The following PRKAR1B variants were observed in gnomAD, a reference collection of about 807,000 sequenced individuals.
PRKAR1B encodes the protein protein kinase cAMP-dependent type I regulatory subunit beta.
In PRKAR1B, 22 loss-of-function variants were observed where a neutral mutation model predicts 46.5. That is an observed-to-expected ratio of 0.47 (90% CI 0.34 to 0.68). The LOEUF (loss-of-function observed/expected upper bound fraction) is 0.68, where lower values mean the gene tolerates loss of function less well. Among genes scored for constraint, PRKAR1B ranks in the 30% least tolerant of loss-of-function variants. PRKAR1B has a pLI of 0.01. For synonymous variants in PRKAR1B, 259 were observed against 217.7 expected (o/e 1.19, Z -1.67); for missense variants, 445 against 535.6 (o/e 0.83, Z 1.67).
chr7:659,908 T>C (rs1003296741), intron 4 of PRKAR1B, among the ~76,000 whole-genome samples: 2 of 151,918 alleles, frequency 1.3e-5, no homozygotes, highest in African/African-American at 2.4e-5. Context: ...AAAAATGTAA[T>C]GTTAAGGAAG....
At position 643,911 on chromosome 7, in the gene PRKAR1B, C is replaced by T. The variant is rs372646853; in HGVS notation, c.440+33318G>A. On this transcript the variant is annotated intron_variant, in intron 4 of 10. Coordinates refer to ENST00000537384, the MANE Select transcript of PRKAR1B (RefSeq NM_001164760.2). The stretch of plus-strand genomic sequence containing the variant: ...TTATCCAACCCCCAGCCACTCCCGT[C>T]GCCCCAAGTCACACCAGCCTTTCCA... Among the ~76,000 whole-genome samples the T allele has an allele frequency of 3.6e-3, 552 of 152,272 alleles. 5 individuals are homozygous for T. The highest frequency in any genetic ancestry group is 0.036 in the South Asian group (173 of 4,820).
At chr7:720,354 A>T (rs1330798514) in intron 1 of PRKAR1B, among the ~76,000 whole-genome samples, 1 of 152,106 alleles carries the variant, frequency 6.6e-6, no homozygotes, top group Non-Finnish European at 1.5e-5. Flanking sequence ...CACCGCGCCC[A>T]GCCCTCTGTG....
intron 1 of PRKAR1B, among the ~76,000 whole-genome samples, chr7:715,225 G>A (rs569432854): frequency 7.2e-5 from 11 of 152,214 alleles, no homozygotes; most frequent in South Asian, 6.2e-4. Context: ...GCCTGAGCCC[G>A]TTGGCTTTTT....
intron 2 of PRKAR1B, among the ~76,000 whole-genome samples, chr7:694,582 T>A (rs1429598325): frequency 1.3e-5 from 2 of 151,254 alleles, no homozygotes; most frequent in Non-Finnish European, 2.9e-5. Flanking sequence ...CAATGCCACC[T>A]CCATAGGAAG....
intron 4 of PRKAR1B, among the ~76,000 whole-genome samples, chr7:619,265 C>A (rs1043390840): frequency 2.0e-5 from 3 of 152,202 alleles, no homozygotes; most frequent in Non-Finnish European, 4.4e-5. Flanking sequence ...TCAGGGGGAA[C>A]CAGCCCTGCC....
At position 573,023 on chromosome 7, in the gene PRKAR1B, C is replaced by T. The variant is rs1056343455; in HGVS notation, c.891+6233G>A. 4.6e-5 allele frequency among the ~76,000 whole-genome samples: 7 copies of T among 152,146 alleles called. No homozygotes were observed. In the South Asian group the frequency reaches 8.3e-4, roughly 18 times the overall value. On this transcript the variant is annotated intron_variant, in intron 9 of 10. Transcript: ENST00000537384. ...AGCGCCTGCCGAGAAGCCGCCCCACCGGCCGGGCCCCGCCGCACCTGTCTG... is the reference window on the plus strand; with the variant it reads ...AGCGCCTGCCGAGAAGCCGCCCCACTGGCCGGGCCCCGCCGCACCTGTCTG...
At chr7:570,234 C>A (rs903185048) in intron 9 of PRKAR1B, among the ~76,000 whole-genome samples, 6 of 152,198 alleles carry the variant, frequency 3.9e-5, no homozygotes, top group Non-Finnish European at 4.4e-5. Flanking sequence ...GAAGGTTGAC[C>A]GCAGGCTCGT....
chr7:578,615 C>T (rs1779996054), intron 9 of PRKAR1B, among the ~76,000 whole-genome samples: 1 of 152,066 alleles, frequency 6.6e-6, no homozygotes, highest in South Asian at 2.1e-4. Flanking sequence ...CCCCACCCCA[C>T]TCCCTCCTCA....
At chr7:646,105 G>A (rs1784607176) in intron 4 of PRKAR1B, among the ~76,000 whole-genome samples, 1 of 152,036 alleles carries the variant, frequency 6.6e-6, no homozygotes, top group South Asian at 2.1e-4. Flanking sequence ...AAGTGCAGTG[G>A]TGCAATCATA....
chr7:572,459 G>A (rs897064476), intron 9 of PRKAR1B, among the ~76,000 whole-genome samples: 1 of 152,166 alleles, frequency 6.6e-6, no homozygotes, highest in African/African-American at 2.4e-5. Flanking sequence ...GGTTCCTGCA[G>A]CCTGGCCCTG....
At chr7:675,070 G>A (rs370319509) in intron 4 of PRKAR1B, among the ~76,000 whole-genome samples, 1 of 152,166 alleles carries the variant, frequency 6.6e-6, no homozygotes, top group African/African-American at 2.4e-5. Flanking sequence ...TGAATACCAG[G>A]AGTCTCCTGC....
chr7:642,375 C>T (rs565993670), intron 4 of PRKAR1B, among the ~76,000 whole-genome samples: 79 of 152,260 alleles, frequency 5.2e-4, no homozygotes, highest in African/African-American at 1.9e-3. Flanking sequence ...ACTGAATAGG[C>T]TACTTACAGT....
chr7:682,617 C>G (rs1001553525), intron 2 of PRKAR1B, among the ~76,000 whole-genome samples: 1 of 152,094 alleles, frequency 6.6e-6, no homozygotes, highest in Admixed American at 6.5e-5. Flanking sequence ...TGGTGGCAGG[C>G]ACCTGTAGTC....
In PRKAR1B at chr7:681,323, T is replaced by TAAAAAA. The variant is rs1159377371; in HGVS notation, c.178-603_178-598dup. ...AATGGACTAATACACCCTGTCTCTATAAAAAAAAAAAAAAAAAGAATTAGC... is the reference window on the plus strand; with the variant it reads ...AATGGACTAATACACCCTGTCTCTATAAAAAAAAAAAAAAAAAAAAAAAGAATTAGC... On this transcript the variant is annotated intron_variant, in intron 2 of 10. Transcript: ENST00000537384. Among the ~76,000 whole-genome samples the TAAAAAA allele has an allele frequency of 9.3e-3, 1,059 of 114,186 alleles. 9 individuals are homozygous for TAAAAAA. The highest frequency in any genetic ancestry group is 0.016 in the Non-Finnish European group (840 of 53,414). The allele number at this position is 114,186 out of a possible 152,430, so 74.9% of individuals were successfully genotyped here. A position where few individuals can be genotyped will look rare whatever the true frequency, so the allele number is the denominator to read the frequency against.
At chr7:568,745 T>C (rs888140863) in intron 9 of PRKAR1B, among the ~76,000 whole-genome samples, 1 of 152,216 alleles carries the variant, frequency 6.6e-6, no homozygotes, top group Non-Finnish European at 1.5e-5. Context: ...CATCCGTCTT[T>C]ACGGCAATAG....
chr7:709,107 CT>C (rs1780480876), intron 2 of PRKAR1B, among the ~76,000 whole-genome samples: 1 of 17,914 alleles, frequency 5.6e-5, no homozygotes, highest in Admixed American at 8.8e-4. Context: ...ATATTTAATA[CT>C]AAAAAAAAAA....
At chr7:572,305 G>A (rs1341317379) in intron 9 of PRKAR1B, among the ~76,000 whole-genome samples, 1 of 152,220 alleles carries the variant, frequency 6.6e-6, no homozygotes, top group Non-Finnish European at 1.5e-5. Context: ...CAGCTGTGGG[G>A]ATCGGGTGTC....
chr7:644,188 C>G lies in PRKAR1B; in HGVS notation c.440+33041G>C, dbSNP rs1784520745. On this transcript the variant is annotated intron_variant, in intron 4 of 10. Transcript: ENST00000537384. This position sits in a 1 kb window ranked among gnomAD's most constrained non-coding sequence, Gnocchi z 4.9. ...ACAGGCAGGCAGCACAGGGCACCGA[C>G]AGGCGGGATGTTCAACCTGCGTCAG... Among the ~76,000 whole-genome samples, 1 of 152,164 alleles carries G rather than the reference C, an allele frequency of 6.6e-6. No individual in the cohort carries two copies. Among genetic ancestry groups the G allele is most frequent in the Non-Finnish European group, 1.5e-5 (1 of 68,040 alleles).
intron 9 of PRKAR1B, among the ~76,000 whole-genome samples, chr7:577,629 G>A (rs951909577): frequency 1.1e-4 from 17 of 152,184 alleles, no homozygotes; most frequent in South Asian, 4.1e-4. Context: ...GACGACGGAC[G>A]CACTGCCGGC....
Sources: allele counts gnomAD v4.1 joint callset (sites outside exome capture counted in the v4.1 genomes callset), GRCh38; gene constraint gnomAD v4.1.1; non-coding constraint Gnocchi (gnomAD v3.1); transcripts MANE v1.5; gene names NCBI Gene and HGNC (gene_info 2026-07-23, HGNC 2026-07-21).